SLC66A3: variants seen among roughly 807,000 people sequenced by gnomAD.
SLC66A3 encodes the protein PQ loop repeat containing 3.
In SLC66A3, 23 loss-of-function variants were observed where a neutral mutation model predicts 25.5. The ratio of observed to expected loss-of-function variants is 0.90; its 90% CI spans 0.65 to 1.28. The LOEUF (loss-of-function observed/expected upper bound fraction) is 1.28. SLC66A3 is among the 50% of genes most tolerant of loss of function. The pLI is 0.00. For missense variants in SLC66A3, 246 were observed against 262.1 expected (o/e 0.94, Z 0.42); for synonymous variants, 108 against 112.6 (o/e 0.96, Z 0.26).
chr2:11,172,222 T>C (rs1662581130), intron 5 of SLC66A3, among the ~76,000 whole-genome samples, 177 bp downstream of exon 5: 5 of 151,882 alleles, frequency 3.3e-5, no homozygotes. Context: ...TAATGCAAAC[T>C]GCTCTCCATT....
chr2:11,176,848 C>G (rs1045710546), intron 6 of SLC66A3, among the ~76,000 whole-genome samples: 1 of 152,016 alleles, frequency 6.6e-6, no homozygotes, highest in African/African-American at 2.4e-5. Flanking sequence ...TTTTTAAAAA[C>G]AGTTCAGCTA....
intron 3 of SLC66A3, 26 bp downstream of exon 3, chr2:11,160,720 A>T: frequency 6.2e-7 from 1 of 1,613,636 alleles, no homozygotes; most frequent in Non-Finnish European, 8.5e-7. Context: ...CTGAGCCAGA[A>T]GTGGGAACGG....
At chr2:11,174,199 A>C (rs56283937) in intron 5 of SLC66A3, among the ~76,000 whole-genome samples, 6,483 of 151,540 alleles carry the variant, frequency 0.043, 279 homozygotes, top group Non-Finnish European at 0.06. Context: ...CTCATGATCC[A>C]CCCGCCTCAG....
chr2:11,178,064 T>TGAG lies in SLC66A3; in HGVS notation c.*238_*240dup, dbSNP rs1662829423. 2.7e-6 allele frequency: 1 copy of TGAG among 376,560 alleles called. No homozygotes were observed. Among genetic ancestry groups the TGAG allele is most frequent in the African/African-American group, 2.3e-5 (1 of 44,370 alleles). The allele number at this position is 376,560 out of a possible 1,614,324, so 23.3% of individuals were successfully genotyped here. ...GGTAGTGCTCAGACATCTGCAGTGT[T>TGAG]GAGGCCAGTCACTGTTGGAAGTCAT... On this transcript the variant is annotated 3_prime_UTR_variant, in exon 7 of 7. Coordinates refer to ENST00000295083, the MANE Select transcript of SLC66A3 (RefSeq NM_152391.5).
At chr2:11,173,152 C>T (rs1487731753) in intron 5 of SLC66A3, among the ~76,000 whole-genome samples, 2 of 152,086 alleles carry the variant, frequency 1.3e-5, no homozygotes, top group African/African-American at 2.4e-5. Context: ...CATGAGCCAC[C>T]GCGCCCAGCC....
At chr2:11,156,177 T>G (rs1661893396) in intron 1 of SLC66A3, among the ~76,000 whole-genome samples, 1 of 152,206 alleles carries the variant, frequency 6.6e-6, no homozygotes, top group African/African-American at 2.4e-5. Flanking sequence ...TTCCTGGTTA[T>G]TTAATGAGAT....
At chr2:11,168,266 C>CAG (rs1204932899) in intron 4 of SLC66A3, among the ~76,000 whole-genome samples, 1 of 149,668 alleles carries the variant, frequency 6.7e-6, no homozygotes, top group Non-Finnish European at 1.5e-5. Context: ...GCCTGGGTGA[C>CAG]AGCAAGACTC....
At chr2:11,163,470 T>C (rs1662195304) in intron 3 of SLC66A3, among the ~76,000 whole-genome samples, 1 of 152,272 alleles carries the variant, frequency 6.6e-6, no homozygotes, top group South Asian at 2.1e-4. Context: ...GGGCATTGTC[T>C]GTTTCAATAT....
At chr2:11,172,427 T>C (rs1314540737) in intron 5 of SLC66A3, among the ~76,000 whole-genome samples, 3 of 152,240 alleles carry the variant, frequency 2.0e-5, no homozygotes, top group Non-Finnish European at 2.9e-5. Context: ...CTTTTGAGAA[T>C]GAATGAAATG....
chr2:11,158,948 A>G (rs11888737), intron 1 of SLC66A3, among the ~76,000 whole-genome samples: 141,657 of 152,272 alleles, frequency 0.93, 66,008 homozygotes, highest in East Asian at 1. Flanking sequence ...CAGGGGCAGC[A>G]ACGGCTGCAT....
At chr2:11,166,141 T>C (rs1662335702) in intron 4 of SLC66A3, among the ~76,000 whole-genome samples, 1 of 152,182 alleles carries the variant, frequency 6.6e-6, no homozygotes, top group African/African-American at 2.4e-5. Flanking sequence ...CCCAAAGTGC[T>C]GGGATTACAG....
intron 6 of SLC66A3, among the ~76,000 whole-genome samples, chr2:11,176,533 T>A: frequency 9.6e-6 from 1 of 104,486 alleles, no homozygotes; most frequent in Admixed American, 1.1e-4. Context: ...AACTTTTTTT[T>A]TTTTTTTTTT....
At chr2:11,177,669 T>C in intron 6 of SLC66A3, 68 bp from the exon 7 acceptor site, 1 of 955,942 alleles carries the variant, frequency 1.0e-6, no homozygotes, top group Non-Finnish European at 1.6e-6. Flanking sequence ...GGCTTATACT[T>C]TGAGCAGGAG....
intron 1 of SLC66A3, 179 bp from the exon 2 acceptor site, chr2:11,160,287 T>C: frequency 1.6e-6 from 1 of 634,728 alleles, no homozygotes; most frequent in Non-Finnish European, 2.8e-6. Flanking sequence ...CTCCAAAAAT[T>C]GTACAGATGA....
Position 11,178,045 on chromosome 2 carries a change from G to C in SLC66A3, c.*217G>C, listed in dbSNP as rs531638224. On this transcript the variant is annotated 3_prime_UTR_variant, in exon 7 of 7. Coordinates refer to ENST00000295083, the MANE Select transcript of SLC66A3 (RefSeq NM_152391.5). ...CCTCACTTCGTTAGGTTATGGTAGT[G>C]CTCAGACATCTGCAGTGTTGAGGCC... The C allele has an allele frequency of 3.7e-5, 18 of 481,716 alleles. No homozygotes were observed. The highest frequency in any genetic ancestry group is 3.2e-4 in the African/African-American group (16 of 49,272). 29.8% of individuals were successfully genotyped at this position (481,716 alleles called of 1,614,324 possible).
chr2:11,176,978 T>C (rs950856606), intron 6 of SLC66A3, among the ~76,000 whole-genome samples: 3 of 152,212 alleles, frequency 2.0e-5, no homozygotes, highest in Non-Finnish European at 4.4e-5. Context: ...TATATATTTA[T>C]TTATTTATTT....
rs541538848 is a variant in SLC66A3 at position 11,175,490 on chromosome 2, C to T, written c.517+481C>T. Among the ~76,000 whole-genome samples the T allele has an allele frequency of 5.2e-4, 79 of 152,070 alleles. 1 individual carries two copies. Among genetic ancestry groups the T allele is most frequent in the Non-Finnish European group, 1.1e-3 (75 of 68,018 alleles). On this transcript the variant is annotated intron_variant, in intron 6 of 6. Transcript: ENST00000295083. ...GGAGCAGCATTGTGAAGGTCATGAG[C>T]GAAGGACAAAGGGCTAGAGTGCGGA...
chr2:11,175,949 C>T (rs191873341), intron 6 of SLC66A3, among the ~76,000 whole-genome samples: 311 of 152,236 alleles, frequency 2.0e-3, no homozygotes, highest in South Asian at 5.0e-3. Flanking sequence ...TACCTTTGCT[C>T]GAATACTTTT....
At chr2:11,170,815 T>G (rs866971723) in intron 4 of SLC66A3, among the ~76,000 whole-genome samples, 1 of 151,498 alleles carries the variant, frequency 6.6e-6, no homozygotes, top group Non-Finnish European at 1.5e-5. Context: ...GGTCTCAAAC[T>G]CCTGACCTTG....
Sources: gnomAD v4.1 joint callset for allele counts (sites outside exome capture counted in the v4.1 genomes callset) on GRCh38, gnomAD v4.1.1 for gene constraint, MANE v1.5 for transcripts, NCBI Gene and HGNC (gene_info 2026-07-23, HGNC 2026-07-21) for gene names.